GABRB2: variants seen among roughly 807,000 people sequenced by gnomAD.
GABRB2 encodes gamma-aminobutyric acid type A receptor subunit beta2.
Under a neutral mutation model 54.7 loss-of-function variants are expected in GABRB2, and 16 were observed. The ratio of observed to expected loss-of-function variants is 0.29; its 90% CI spans 0.20 to 0.44. GABRB2 has a LOEUF of 0.44. GABRB2 is among the 20% of genes least tolerant of loss of function. The pLI, the probability that GABRB2 is intolerant of heterozygous loss-of-function variation, is 1.00. For synonymous variants in GABRB2, 244 were observed against 233.8 expected (o/e 1.04, Z -0.40); for missense variants, 355 against 644.0 (o/e 0.55, Z 4.86).
chr5:161,373,090 G>C (rs1755179291), intron 5 of GABRB2, among the ~76,000 whole-genome samples: 1 of 151,998 alleles, frequency 6.6e-6, no homozygotes, highest in Non-Finnish European at 1.5e-5. Flanking sequence ...TTTCCACTTA[G>C]AAATTCCTAA....
intron 4 of GABRB2, among the ~76,000 whole-genome samples, chr5:161,445,390 T>C (rs1757588217): frequency 6.6e-6 from 1 of 152,224 alleles, no homozygotes; most frequent in East Asian, 1.9e-4. Context: ...GATCTGTGCT[T>C]TTTGAATGTA....
intron 5 of GABRB2, among the ~76,000 whole-genome samples, chr5:161,392,482 G>A (rs996422290): frequency 1.3e-5 from 2 of 152,126 alleles, no homozygotes; most frequent in Non-Finnish European, 2.9e-5. Context: ...CCAAATCAAT[G>A]CTCCTTCAGT....
intron 5 of GABRB2, among the ~76,000 whole-genome samples, chr5:161,405,556 C>A (rs1464486607): frequency 6.6e-6 from 1 of 151,994 alleles, no homozygotes; most frequent in African/African-American, 2.4e-5. Flanking sequence ...TCAAACAATA[C>A]CCTCTTAATA....
intron 3 of GABRB2, among the ~76,000 whole-genome samples, chr5:161,481,479 C>T (rs2113327904): frequency 6.6e-6 from 1 of 152,090 alleles, no homozygotes; most frequent in Middle Eastern, 3.4e-3. Context: ...TTCTGACTTC[C>T]CCAAAGTGAA....
At chr5:161,303,909 C>T (rs762072084) in intron 9 of GABRB2, among the ~76,000 whole-genome samples, 20 of 152,168 alleles carry the variant, frequency 1.3e-4, no homozygotes, top group Admixed American at 9.2e-4. Flanking sequence ...AATCCTCTAA[C>T]TATAAGTTCA....
intron 4 of GABRB2, among the ~76,000 whole-genome samples, chr5:161,430,525 A>C (rs1757144685): frequency 6.6e-6 from 1 of 152,104 alleles, no homozygotes; most frequent in African/African-American, 2.4e-5. Context: ...CTTGTAACCC[A>C]AAGAGGTCAG....
At chr5:161,503,546 T>C (rs1183803624) in intron 3 of GABRB2, among the ~76,000 whole-genome samples, 3 of 151,904 alleles carry the variant, frequency 2.0e-5, no homozygotes, top group Admixed American at 6.6e-5. Flanking sequence ...TCGTCTCTAC[T>C]AAAAATACAA....
At chr5:161,410,419 C>CACAA (rs1249266226) in intron 5 of GABRB2, among the ~76,000 whole-genome samples, 3 of 150,132 alleles carry the variant, frequency 2.0e-5, no homozygotes, top group Non-Finnish European at 4.5e-5. Flanking sequence ...CACACACACA[C>CACAA]ACACTCACAA....
intron 5 of GABRB2, among the ~76,000 whole-genome samples, chr5:161,401,206 C>A (rs748802331): frequency 6.6e-5 from 10 of 152,104 alleles, no homozygotes; most frequent in Non-Finnish European, 1.0e-4. Flanking sequence ...AGGGAATGAA[C>A]CCAGAAGGTG....
At chr5:161,444,663 T>C (rs887680032) in intron 4 of GABRB2, among the ~76,000 whole-genome samples, 1 of 152,156 alleles carries the variant, frequency 6.6e-6, no homozygotes, top group African/African-American at 2.4e-5. Context: ...AATGTCTTCT[T>C]ATCAGCTGTT....
At chr5:161,517,267 C>T (rs890364078) in intron 3 of GABRB2, among the ~76,000 whole-genome samples, 2 of 152,126 alleles carry the variant, frequency 1.3e-5, no homozygotes, top group African/African-American at 2.4e-5. Context: ...CCAAAGTCAA[C>T]ATGGAAAACT....
At chr5:161,454,233 T>C (rs1254820545) in intron 4 of GABRB2, among the ~76,000 whole-genome samples, 1 of 152,140 alleles carries the variant, frequency 6.6e-6, no homozygotes, top group East Asian at 1.9e-4. Context: ...GCCTTGGGGA[T>C]TGAGGGTCTC....
chr5:161,537,686 A>G (rs975923633), intron 3 of GABRB2, among the ~76,000 whole-genome samples: 2 of 152,110 alleles, frequency 1.3e-5, no homozygotes, highest in Non-Finnish European at 2.9e-5. Flanking sequence ...CACCCTCTAC[A>G]CTTCAGAACC....
At chr5:161,343,788 C>T (rs2962403) in intron 5 of GABRB2, among the ~76,000 whole-genome samples, 84,909 of 151,884 alleles carry the variant, frequency 0.56, 25,491 homozygotes, top group Non-Finnish European at 0.67. Flanking sequence ...TTATCATTAT[C>T]AGGATTCTTC....
intron 5 of GABRB2, among the ~76,000 whole-genome samples, chr5:161,368,524 T>C: frequency 6.6e-6 from 1 of 152,176 alleles, no homozygotes; most frequent in East Asian, 1.9e-4. Context: ...TAGATTACAA[T>C]TTGGAAGATT....
chr5:161,293,877 C>T lies in GABRB2; in HGVS notation c.*204G>A. On this transcript the variant is annotated 3_prime_UTR_variant, in exon 10 of 10. Transcript: ENST00000393959. ...TGTGTAAAAATCACTTGCGTTTTAACTGGAAAACCACAAGGACCTTAGTGT... is the reference window on the plus strand; with the variant it reads ...TGTGTAAAAATCACTTGCGTTTTAATTGGAAAACCACAAGGACCTTAGTGT... 1.8e-6 allele frequency: 1 copy of T among 554,504 alleles called. No individual in the cohort carries two copies. The highest frequency in any genetic ancestry group is 3.2e-6 in the Non-Finnish European group (1 of 312,226). 34.3% of individuals were successfully genotyped at this position (554,504 alleles called of 1,614,324 possible).
rs188190906 is a variant in GABRB2 at position 161,316,446 on chromosome 5, A to T, written c.1191+9922T>A. Reference sequence around the variant, plus strand: ...TAGCATTGCAAGAAAGGCGGTCAGCATGGGTTTGCCTACACCCAAGGCAGG... The same window carrying T: ...TAGCATTGCAAGAAAGGCGGTCAGCTTGGGTTTGCCTACACCCAAGGCAGG... On this transcript the variant is annotated intron_variant, in intron 9 of 9. Transcript: ENST00000393959. 1.4e-4 allele frequency among the ~76,000 whole-genome samples: 21 copies of T among 152,296 alleles called. No homozygotes were observed. In the East Asian group the frequency reaches 4.1e-3, roughly 29 times the overall value.
intron 5 of GABRB2, among the ~76,000 whole-genome samples, chr5:161,395,493 A>G (rs1383121126): frequency 6.6e-6 from 1 of 152,112 alleles, no homozygotes; most frequent in Admixed American, 6.6e-5. Flanking sequence ...TAATCATCGT[A>G]CTCACCTAAT....
At chr5:161,435,183 CA>C (rs1287121533) in intron 4 of GABRB2, among the ~76,000 whole-genome samples, 1 of 151,088 alleles carries the variant, frequency 6.6e-6, no homozygotes, top group East Asian at 1.9e-4. Context: ...AAATTATAAT[CA>C]AAAAATGGAA....
Sources: allele counts gnomAD v4.1 joint callset (sites outside exome capture counted in the v4.1 genomes callset), GRCh38; gene constraint gnomAD v4.1.1; transcripts MANE v1.5; gene names NCBI Gene and HGNC (gene_info 2026-07-23, HGNC 2026-07-21).